BBC3: variants seen among roughly 807,000 people sequenced by gnomAD.
BBC3 encodes BCL2 binding component 3, also known as bcl-2-binding component 3.
In BBC3, 5 loss-of-function variants were observed where a neutral mutation model predicts 18.2. That is an observed-to-expected ratio of 0.27 (90% CI 0.14 to 0.58). BBC3 has a LOEUF of 0.58. BBC3 is among the 20% of genes least tolerant of loss of function. The probability of loss-of-function intolerance (pLI) is 0.91; values close to 1 mark genes in which losing one functional copy is unlikely to be tolerated. For missense variants in BBC3, 224 were observed against 268.9 expected, an observed-to-expected ratio of 0.83 and a Z score of 1.17; for synonymous variants, 119 against 128.0, an observed-to-expected ratio of 0.93 and a Z score of 0.47.
rs959206890 is a variant in BBC3, at chr19:47,221,436, C to T, written c.*366G>A. 20 of 250,280 alleles carry T rather than the reference C, an allele frequency of 8.0e-5. 1 individual carries two copies. Among genetic ancestry groups the T allele is most frequent in the African/African-American group, 4.3e-4 (17 of 39,750 alleles). The allele number at this position is 250,280 out of a possible 1,614,324, so 15.5% of individuals were successfully genotyped here. A position where few individuals can be genotyped will look rare whatever the true frequency, so the allele number is the denominator to read the frequency against. ...AGCACCGAGAGGAGAGCCCCCCCCT[C>T]CCAGTGTCACCCCTGCAGCTGGAAC... On this transcript the variant is annotated 3_prime_UTR_variant, in exon 4 of 4. Coordinates refer to ENST00000439096, the MANE Select transcript of BBC3 (RefSeq NM_014417.5).
rs747413729 is a variant in BBC3, at chr19:47,226,742, G to A, written c.287C>T (p.Ser96Leu). ...RGPRPDGPQP[S>L]LSLAEQHLES... Reference sequence around the variant, plus strand: ...CAGGTGCTGCTCCGCCAGCGAGAGCGAGGGCTGAGGACCTTGGAGAGGCAG... The same window carrying A: ...CAGGTGCTGCTCCGCCAGCGAGAGCAAGGGCTGAGGACCTTGGAGAGGCAG... The change falls in exon 3 of 4, where the codon TCG becomes TTG. Residue 96 changes from serine (S) to leucine (L), a missense_variant. By Grantham distance (145) the Ser-to-Leu change is moderately radical. Transcript: ENST00000439096. The A allele has an allele frequency of 2.8e-6, 4 of 1,406,484 alleles. No homozygotes were observed. Among genetic ancestry groups the A allele is most frequent in the Admixed American group, 3.2e-5 (1 of 31,408 alleles). 87.1% of individuals were successfully genotyped at this position (1,406,484 alleles called of 1,614,324 possible). A position where few individuals can be genotyped will look rare whatever the true frequency, so the allele number is the denominator to read the frequency against.
At position 47,230,963 on chromosome 19, in the gene BBC3, TG is replaced by T; in HGVS notation, c.-51del. On this transcript the variant is annotated 5_prime_UTR_variant, in exon 1 of 4. Transcript: ENST00000439096. This position sits in a 1 kb window ranked among gnomAD's most constrained non-coding sequence, Gnocchi z 6.7. The stretch of plus-strand genomic sequence containing the variant: ...ATGAACACGCCGGAGGGGGCGGCGG[TG>T]GGGGGCGGGCGGCTTCCTTCAGGAG... 1.0e-6 allele frequency: 1 copy of T among 981,324 alleles called. No homozygotes were observed. Among genetic ancestry groups the T allele is most frequent in the Non-Finnish European group, 1.2e-6 (1 of 826,684 alleles). 60.8% of individuals were successfully genotyped at this position (981,324 alleles called of 1,614,324 possible).
intron 3 of BBC3, among the ~76,000 whole-genome samples, chr19:47,224,555 G>A (rs2058788541): frequency 1.3e-5 from 2 of 152,096 alleles, no homozygotes; most frequent in Non-Finnish European, 2.9e-5. Context: ...AAACCCAGGA[G>A]TTGGAGGCTG....
chr19:47,232,658 G>T, upstream of BBC3: 2 of 1,463,594 alleles, frequency 1.4e-6, no homozygotes, highest in Admixed American at 4.1e-5. Flanking sequence ...GTTACTTCCT[G>T]CCCTGCTCTG....
chr19:47,221,196 C>G lies in BBC3; in HGVS notation c.*606G>C, dbSNP rs2058745406. 1 of 174,580 alleles carries G rather than the reference C, an allele frequency of 5.7e-6. No individual in the cohort carries two copies. Among genetic ancestry groups the G allele is most frequent in the South Asian group, 1.2e-4 (1 of 8,250 alleles). The allele number at this position is 174,580 out of a possible 1,614,324, so 10.8% of individuals were successfully genotyped here. ...GATTCACAGTCTGGGCCCCTCCTGG[C>G]CACCCCCTGATGAAGGTGAGGCAGG... is the stretch of plus-strand genomic sequence containing the variant. On this transcript the variant is annotated 3_prime_UTR_variant, in exon 4 of 4. Coordinates refer to ENST00000439096, the MANE Select transcript of BBC3 (RefSeq NM_014417.5).
Position 47,221,438 on chromosome 19 carries a change from C to CA in BBC3, c.*363dup, listed in dbSNP as rs1555798923. The CA allele has an allele frequency of 2.1e-4, 56 of 265,028 alleles. 4 individuals carry two copies. The highest frequency in any genetic ancestry group is 1.2e-3 in the African/African-American group (48 of 40,856). 16.4% of individuals were successfully genotyped at this position (265,028 alleles called of 1,614,324 possible). On this transcript the variant is annotated 3_prime_UTR_variant, in exon 4 of 4. Transcript: ENST00000439096. ...CACCGAGAGGAGAGCCCCCCCCTCC[C>CA]AGTGTCACCCCTGCAGCTGGAACGG...
In BBC3 at chr19:47,230,598, G is replaced by T. The variant is rs2058900279; in HGVS notation, c.-16+331C>A. On this transcript the variant is annotated intron_variant, in intron 1 of 3. Coordinates refer to ENST00000439096, the MANE Select transcript of BBC3 (RefSeq NM_014417.5). The surrounding 1 kb of genome is among the most constrained non-coding windows in gnomAD (Gnocchi z 6.7). ...TCCGTGCCGCCCCCCCGCCCCTCCC[G>T]GACTTTGGGGGCTGGGGCACCCCTG... Among the ~76,000 whole-genome samples, 1 of 151,556 alleles carries T rather than the reference G, an allele frequency of 6.6e-6. No homozygotes were observed. Among genetic ancestry groups the T allele is most frequent in the Non-Finnish European group, 1.5e-5 (1 of 67,818 alleles).
chr19:47,225,328 G>A lies in BBC3; in HGVS notation c.465+1236C>T, dbSNP rs550052643. Among the ~76,000 whole-genome samples, 5 of 152,196 alleles carry A rather than the reference G, an allele frequency of 3.3e-5. No homozygotes were observed. In the South Asian group the frequency reaches 6.2e-4, roughly 19 times the overall value. The stretch of plus-strand genomic sequence containing the variant: ...CTCCCAAAGGGCTGGGATTACAGGC[G>A]TGGGCCACTGCACCAGGCCGAAAAT... On this transcript the variant is annotated intron_variant, in intron 3 of 3. Transcript: ENST00000439096.
Position 47,230,711 on chromosome 19 carries a change from C to A in BBC3, c.-16+218G>T. The A allele has an allele frequency of 4.1e-6, 4 of 984,936 alleles. No homozygotes were observed. Among genetic ancestry groups the A allele is most frequent in the Non-Finnish European group, 4.8e-6 (4 of 829,530 alleles). 61.0% of individuals were successfully genotyped at this position (984,936 alleles called of 1,614,324 possible). ...ATTGTTTGTAAACAAACCCGCCAGACCGCCGAGGCACCTGTGCGCCCAGAC... is the reference window on the plus strand; with the variant it reads ...ATTGTTTGTAAACAAACCCGCCAGAACGCCGAGGCACCTGTGCGCCCAGAC... On this transcript the variant is annotated intron_variant, in intron 1 of 3. Coordinates refer to ENST00000439096, the MANE Select transcript of BBC3 (RefSeq NM_014417.5). The surrounding 1 kb of genome is among the most constrained non-coding windows in gnomAD (Gnocchi z 6.7).
intron 3 of BBC3, 52 bp downstream of exon 3, chr19:47,226,498 GGCCGCCTGCCGCCC>G (rs2058824979): frequency 6.9e-7 from 1 of 1,457,722 alleles, no homozygotes; most frequent in Admixed American, 2.4e-5. Flanking sequence ...ATCTGGCGGG[GGCCGCCTGCCGCCC>G]CCTCCTCCGG....
intron 2 of BBC3, 167 bp from the exon 3 acceptor site, chr19:47,226,921 G>A (rs1300773779): frequency 1.7e-6 from 1 of 598,522 alleles, no homozygotes. Flanking sequence ...CAGAAAGCAA[G>A]AAGTACCTGG....
chr19:47,227,484 GAAGTT>G (rs986546489), intron 2 of BBC3, among the ~76,000 whole-genome samples: 2 of 152,170 alleles, frequency 1.3e-5, no homozygotes, highest in African/African-American at 2.4e-5. Context: ...CTGAGTTAGG[GAAGTT>G]TTCTCTTTCC....
upstream of BBC3, chr19:47,231,207 C>G (rs992151163): frequency 1.0e-6 from 1 of 982,196 alleles, no homozygotes; most frequent in Non-Finnish European, 1.2e-6. This position sits in a 1 kb window ranked among gnomAD's most constrained non-coding sequence, Gnocchi z 4.0. Context: ...CTCAGGCCGC[C>G]CGGCGGATCC....
In BBC3 at chr19:47,228,586, C is replaced by A; in HGVS notation, c.-15-140G>T. On this transcript the variant is annotated intron_variant, in intron 1 of 3. Transcript: ENST00000439096. The surrounding 1 kb of genome is among the most constrained non-coding windows in gnomAD (Gnocchi z 5.5). ...GGAGGGGGTGACGGCCCCACAGAGA[C>A]ACGCCCAGCCGGGGGATGACACCAC... 1 of 880,952 alleles carries A rather than the reference C, an allele frequency of 1.1e-6. No individual in the cohort carries two copies. Among genetic ancestry groups the A allele is most frequent in the East Asian group, 3.4e-5 (1 of 29,692 alleles). 54.6% of individuals were successfully genotyped at this position (880,952 alleles called of 1,614,324 possible).
chr19:47,230,894 C>G lies in BBC3; in HGVS notation c.-16+35G>C. ...AGGGAGTCCACCCGGCCTGGCCGAT[C>G]GCCGCCGGAGAGGATTCGGGGCGCG... is the stretch of plus-strand genomic sequence containing the variant. On this transcript the variant is annotated intron_variant, in intron 1 of 3. Transcript: ENST00000439096. This position sits in a 1 kb window ranked among gnomAD's most constrained non-coding sequence, Gnocchi z 6.7. 1 of 983,090 alleles carries G rather than the reference C, an allele frequency of 1.0e-6. No individual in the cohort carries two copies. The highest frequency in any genetic ancestry group is 1.2e-6 in the Non-Finnish European group (1 of 827,984). The allele number at this position is 983,090 out of a possible 1,614,324, so 60.9% of individuals were successfully genotyped here.
chr19:47,225,100 G>A (rs576278430), intron 3 of BBC3, among the ~76,000 whole-genome samples: 2 of 152,048 alleles, frequency 1.3e-5, no homozygotes, highest in East Asian at 1.9e-4. Context: ...TAGTAGAGAC[G>A]GGGTTTGTTC....
chr19:47,221,427 C>CT lies in BBC3; in HGVS notation c.*374_*375insA. On this transcript the variant is annotated 3_prime_UTR_variant, in exon 4 of 4. Transcript: ENST00000439096. ...GAGTGAAGGAGCACCGAGAGGAGAG[C>CT]CCCCCCCTCCCAGTGTCACCCCTGC... The CT allele has an allele frequency of 8.5e-6, 1 of 117,252 alleles. No individual in the cohort carries two copies. Among genetic ancestry groups the CT allele is most frequent in the African/African-American group, 9.0e-5 (1 of 11,148 alleles). The allele number at this position is 117,252 out of a possible 1,614,324, so 7.3% of individuals were successfully genotyped here. A position where few individuals can be genotyped will look rare whatever the true frequency, so the allele number is the denominator to read the frequency against.
At position 47,221,926 on chromosome 19, in the gene BBC3, A is replaced by G; in HGVS notation, c.466-8T>C. On this transcript the variant is annotated splice_region_variant and splice_polypyrimidine_tract_variant and intron_variant, in intron 3 of 3. Transcript: ENST00000439096. ...CTGCTGCTCCTCTTGTCTCTGGGGA[A>G]AAGAGAGAGAAGGGGCAGTTAGCAG... The G allele has an allele frequency of 6.3e-7, 1 of 1,594,718 alleles. No individual in the cohort carries two copies. The highest frequency in any genetic ancestry group is 8.5e-7 in the Non-Finnish European group (1 of 1,170,668).
chr19:47,228,753 G>T lies in BBC3; in HGVS notation c.-15-307C>A, dbSNP rs2058873250. ...GGGTCTAGCAGGTGTGTGTATGAGG[G>T]CTGTGACAGTCCCACAACACAAACT... On this transcript the variant is annotated intron_variant, in intron 1 of 3. Coordinates refer to ENST00000439096, the MANE Select transcript of BBC3 (RefSeq NM_014417.5). This position sits in a 1 kb window ranked among gnomAD's most constrained non-coding sequence, Gnocchi z 5.5. Among the ~76,000 whole-genome samples the T allele has an allele frequency of 6.6e-6, 1 of 151,992 alleles. No homozygotes were observed. The highest frequency in any genetic ancestry group is 1.5e-5 in the Non-Finnish European group (1 of 67,992).
Sources: gnomAD v4.1 joint callset for allele counts (sites outside exome capture counted in the v4.1 genomes callset) on GRCh38, gnomAD v4.1.1 for gene constraint, Gnocchi (gnomAD v3.1) non-coding constraint, MANE v1.5 for transcripts, NCBI Gene and HGNC (gene_info 2026-07-23, HGNC 2026-07-21) for gene names.